The following GPAM variants were observed in gnomAD, a reference collection of about 807,000 sequenced individuals.
GPAM encodes the protein glycerol-3-phosphate acyltransferase 1, mitochondrial.
GPAM carries 56 observed loss-of-function variants against 105.0 expected under a neutral mutation model. That is an observed-to-expected ratio of 0.53 (90% CI 0.43 to 0.67). The LOEUF (loss-of-function observed/expected upper bound fraction) is 0.67. GPAM is among the 30% of genes least tolerant of loss of function. The probability of loss-of-function intolerance (pLI) is 0.00; values close to 1 mark genes in which losing one functional copy is unlikely to be tolerated. For synonymous variants in GPAM, 368 were observed against 354.4 expected, an observed-to-expected ratio of 1.04 and a Z score of -0.43; for missense variants, 855 against 989.8, an observed-to-expected ratio of 0.86 and a Z score of 1.83.
At chr10:112,159,855 T>A in intron 17 of GPAM, 56 bp downstream of exon 17, 1 of 1,576,456 alleles carries the variant, frequency 6.3e-7, no homozygotes, top group Non-Finnish European at 8.7e-7. Context: ...GGGGTTACGT[T>A]TTCATGAAAA....
rs61559173 is a variant in GPAM at position 112,173,219 on chromosome 10, C to T, written c.561-153G>A. On this transcript the variant is annotated intron_variant, in intron 7 of 21. Coordinates refer to ENST00000348367, the MANE Select transcript of GPAM (RefSeq NM_001244949.2). ...CTTAGTGTGTGTGCACATGCATGCA[C>T]GTATGTCTGAATTGCTGAACTAGAG... 9.7e-3 allele frequency among the ~76,000 whole-genome samples: 1,463 copies of T among 151,344 alleles called. 20 individuals carry two copies. Among genetic ancestry groups the T allele is most frequent in the African/African-American group, 0.034 (1,406 of 41,192 alleles).
chr10:112,204,632 T>A (rs1026516954), intron 1 of GPAM, among the ~76,000 whole-genome samples: 1 of 150,778 alleles, frequency 6.6e-6, no homozygotes, highest in Admixed American at 6.6e-5. Context: ...ACATGGCTAG[T>A]AAGAATCAAA....
chr10:112,195,709 C>T (rs528623026), intron 1 of GPAM, among the ~76,000 whole-genome samples: 2 of 152,350 alleles, frequency 1.3e-5, no homozygotes, highest in South Asian at 2.1e-4. Context: ...TAGTACCTGA[C>T]GGTACCTTGC....
At chr10:112,171,178 C>T (rs979542660) in intron 9 of GPAM, among the ~76,000 whole-genome samples, 4 of 152,190 alleles carry the variant, frequency 2.6e-5, no homozygotes, top group African/African-American at 9.7e-5. Context: ...CAGTTCCTCA[C>T]CAATTCTTTG....
intron 1 of GPAM, among the ~76,000 whole-genome samples, 177 bp from the exon 2 acceptor site, chr10:112,183,068 G>A (rs574598659): frequency 6.6e-6 from 1 of 152,238 alleles, no homozygotes. Flanking sequence ...AAGCTGACTA[G>A]AGGATCTGAA....
intron 20 of GPAM, chr10:112,155,562 A>G: frequency 3.2e-6 from 1 of 317,016 alleles, no homozygotes; most frequent in South Asian, 3.0e-5. Context: ...ATCCATCAAC[A>G]GCAGAATGAA....
intron 18 of GPAM, among the ~76,000 whole-genome samples, chr10:112,157,684 T>C (rs939914600): frequency 6.6e-6 from 1 of 152,164 alleles, no homozygotes; most frequent in African/African-American, 2.4e-5. Flanking sequence ...CTACACTAAA[T>C]CTACCAAAAT....
chr10:112,197,255 C>T (rs1847734318), intron 1 of GPAM, among the ~76,000 whole-genome samples: 1 of 152,172 alleles, frequency 6.6e-6, no homozygotes. Context: ...TGACTTTAAG[C>T]TCCACAATGT....
rs553567017 is a variant in GPAM at position 112,153,367 on chromosome 10, T to C, written c.*183A>G. The C allele has an allele frequency of 3.6e-5, 55 of 1,537,674 alleles. No homozygotes were observed. The African/African-American group carries it at 7.1e-4, about 20-fold the overall frequency. On this transcript the variant is annotated 3_prime_UTR_variant, in exon 22 of 22. Coordinates refer to ENST00000348367, the MANE Select transcript of GPAM (RefSeq NM_001244949.2). ...CCCAAGTGTTATCTGCAGGCTGCTG[T>C]GTTGATGCAGAGCTGGGAAGATCAC...
At chr10:112,185,377 GATAAA>G (rs1015223462), upstream of GPAM, among the ~76,000 whole-genome samples, 1 of 151,382 alleles carries the variant, frequency 6.6e-6, no homozygotes, top group Non-Finnish European at 1.5e-5. Context: ...TGACAGAGAT[GATAAA>G]ATAAGAGAAC....
At chr10:112,161,772 CT>C (rs34256116) in intron 14 of GPAM, 35 bp from the exon 15 acceptor site, 1 of 1,558,976 alleles carries the variant, frequency 6.4e-7, no homozygotes, top group Non-Finnish European at 8.8e-7. Context: ...TTTAGTTGCA[CT>C]TTTTACAAAC....
intron 15 of GPAM, 151 bp from the exon 16 acceptor site, chr10:112,161,019 G>A (rs1847114328): frequency 1.4e-6 from 1 of 690,766 alleles, no homozygotes; most frequent in African/African-American, 1.8e-5. Flanking sequence ...CCAATGCAGA[G>A]CGAGTCAGAA....
In GPAM at chr10:112,161,705, G is replaced by A. The variant is rs749361438; in HGVS notation, c.1456C>T (p.His486Tyr). The A allele has an allele frequency of 3.1e-6, 5 of 1,614,032 alleles. No homozygotes were observed. Among genetic ancestry groups the A allele is most frequent in the Non-Finnish European group, 4.2e-6 (5 of 1,179,880 alleles). Reference protein sequence around the residue: ...ASKSCAIMSTHIVACLLLYRH... With the variant: ...ASKSCAIMSTYIVACLLLYRH... ...TAGAGGAGCAGGCAAGCCACAATGT[G>A]TGTGGACATAATGGCACAGGACTTG... is the stretch of plus-strand genomic sequence containing the variant. The change falls in exon 15 of 22, where the codon CAC becomes TAC. Residue 486 changes from histidine (H) to tyrosine (Y), a missense_variant. Coordinates refer to ENST00000348367, the MANE Select transcript of GPAM (RefSeq NM_001244949.2).
At chr10:112,181,561 C>A in intron 3 of GPAM, 122 bp downstream of exon 3, 1 of 711,792 alleles carries the variant, frequency 1.4e-6, no homozygotes, top group Non-Finnish European at 2.6e-6. Flanking sequence ...ATAAACATAC[C>A]AGTTTCTGTA....
intron 21 of GPAM, chr10:112,154,251 T>A (rs1564808845): frequency 1.1e-5 from 3 of 268,286 alleles, no homozygotes; most frequent in African/African-American, 6.7e-5. Context: ...ACGCTCAACC[T>A]GTAAGTCTAA....
upstream of GPAM, among the ~76,000 whole-genome samples, chr10:112,217,335 T>C (rs897175831): frequency 5.3e-5 from 8 of 152,214 alleles, no homozygotes; most frequent in African/African-American, 1.7e-4. Flanking sequence ...TTTCTTTTTA[T>C]TGATGAATAA....
At chr10:112,200,227 G>GTA (rs66664923) in intron 1 of GPAM, among the ~76,000 whole-genome samples, 5,916 of 84,862 alleles carry the variant, frequency 0.07, 357 homozygotes, top group African/African-American at 0.15. Flanking sequence ...CACACTATAT[G>GTA]TATATATATA....
chr10:112,158,845 T>C (rs1218974269), intron 17 of GPAM, among the ~76,000 whole-genome samples: 1 of 152,082 alleles, frequency 6.6e-6, no homozygotes, highest in Non-Finnish European at 1.5e-5. Flanking sequence ...AAGGACAAGG[T>C]CAATCTTGGA....
chr10:112,211,768 C>G (rs766173373), intron 1 of GPAM, among the ~76,000 whole-genome samples: 2 of 152,170 alleles, frequency 1.3e-5, no homozygotes, highest in Non-Finnish European at 2.9e-5. Flanking sequence ...GAAAGTATTA[C>G]ACCCATTTTA....
Sources: gnomAD v4.1 joint callset for allele counts (sites outside exome capture counted in the v4.1 genomes callset) on GRCh38, gnomAD v4.1.1 for gene constraint, MANE v1.5 for transcripts, NCBI Gene and HGNC (gene_info 2026-07-23, HGNC 2026-07-21) for gene names.